The following CAPN5 variants were observed in gnomAD, a reference collection of about 807,000 sequenced individuals.
CAPN5 encodes calpain-5.
CAPN5 carries 54 observed loss-of-function variants against 73.0 expected under a neutral mutation model. That is an observed-to-expected ratio of 0.74 (90% CI 0.59 to 0.93). The LOEUF is 0.93. Among genes scored for constraint, CAPN5 ranks in the 40% least tolerant of loss-of-function variants. The pLI, the probability that CAPN5 is intolerant of heterozygous loss-of-function variation, is 0.00. For synonymous variants in CAPN5, 335 were observed against 356.9 expected (o/e 0.94, Z 0.69); for missense variants, 785 against 882.9 (o/e 0.89, Z 1.41).
In CAPN5 at chr11:77,114,446, G is replaced by A; in HGVS notation, c.699+12G>A. On this transcript the variant is annotated intron_variant, in intron 5 of 12. Transcript: ENST00000648180. ...GTGCCTCCATCAAGGTGAGAACACGGCAGTCCCCAGAGGCGACCCCTCCCC... is the reference window on the plus strand; with the variant it reads ...GTGCCTCCATCAAGGTGAGAACACGACAGTCCCCAGAGGCGACCCCTCCCC... 6.2e-7 allele frequency: 1 copy of A among 1,612,582 alleles called. No homozygotes were observed. The highest frequency in any genetic ancestry group is 8.5e-7 in the Non-Finnish European group (1 of 1,178,760).
intron 3 of CAPN5, among the ~76,000 whole-genome samples, chr11:77,109,355 G>C (rs1565273457): frequency 6.6e-6 from 1 of 152,076 alleles, no homozygotes; most frequent in Non-Finnish European, 1.5e-5. Flanking sequence ...TACAGAGACA[G>C]GATAAATTTC....
At chr11:77,100,877 C>G (rs997979032) in intron 3 of CAPN5, among the ~76,000 whole-genome samples, 1 of 152,234 alleles carries the variant, frequency 6.6e-6, no homozygotes, top group Non-Finnish European at 1.5e-5. Context: ...TTCTATCAGC[C>G]TTCACCTTCA....
At position 77,122,717 on chromosome 11, in the gene CAPN5, G is replaced by A; in HGVS notation, c.1740+5G>A. ...AGCCAGCCCATCACTGTACAGGTGAGCCCCCTGGTCCAGAGGCCACCTCCT... is the reference window on the plus strand; with the variant it reads ...AGCCAGCCCATCACTGTACAGGTGAACCCCCTGGTCCAGAGGCCACCTCCT... On this transcript the variant is annotated splice_donor_5th_base_variant and intron_variant, in intron 12 of 12. Transcript: ENST00000648180. 1 of 1,612,930 alleles carries A rather than the reference G, an allele frequency of 6.2e-7. No homozygotes were observed. The highest frequency in any genetic ancestry group is 8.5e-7 in the Non-Finnish European group (1 of 1,179,852).
intron 2 of CAPN5, chr11:77,088,061 G>C (rs1555035875): frequency 2.0e-6 from 3 of 1,531,000 alleles, no homozygotes; most frequent in Non-Finnish European, 1.7e-6. Context: ...CCCGGGACCT[G>C]GTAGGCGGCC....
Position 77,119,156 on chromosome 11 carries a change from A to G in CAPN5, c.1290+4A>G. 1 of 1,606,942 alleles carries G rather than the reference A, an allele frequency of 6.2e-7. No individual in the cohort carries two copies. On this transcript the variant is annotated splice_donor_region_variant and intron_variant, in intron 9 of 12. Transcript: ENST00000648180. ...CATTGGCTTTGACATCTACAAGGTG[A>G]GGCCAGCCGGGTCCCCTGCCGTGGG...
intron 1 of CAPN5, among the ~76,000 whole-genome samples, chr11:77,074,984 C>A (rs1949953064): frequency 6.6e-6 from 1 of 152,218 alleles, no homozygotes; most frequent in Non-Finnish European, 1.5e-5. Flanking sequence ...TGTGGCCGTT[C>A]TTCTGGTCTT....
intron 3 of CAPN5, chr11:77,103,130 C>T (rs1472769422): frequency 3.1e-6 from 5 of 1,613,764 alleles, no homozygotes; most frequent in Non-Finnish European, 4.2e-6. Flanking sequence ...TCATGACACG[C>T]CAGCTGCTGG....
intron 1 of CAPN5, among the ~76,000 whole-genome samples, chr11:77,075,918 A>T (rs1949964176): frequency 6.6e-6 from 1 of 152,146 alleles, no homozygotes; most frequent in Non-Finnish European, 1.5e-5. Flanking sequence ...TGCTTGTCTT[A>T]AAAAAATGGA....
At position 77,097,142 on chromosome 11, in the gene CAPN5, A is replaced by G. The variant is rs183371805; in HGVS notation, c.297+3329A>G. Among the ~76,000 whole-genome samples the G allele has an allele frequency of 1.7e-3, 260 of 152,242 alleles. 2 individuals carry two copies. Among genetic ancestry groups the G allele is most frequent in the African/African-American group, 5.5e-3 (228 of 41,532 alleles). On this transcript the variant is annotated intron_variant, in intron 3 of 12. Coordinates refer to ENST00000648180, the MANE Select transcript of CAPN5 (RefSeq NM_004055.5). ...GAGGCTGAGGCAGGAGAATGGCGTG[A>G]ACCTGGGAGGTGGAGCTTGCAGTGA...
chr11:77,089,965 C>T (rs1467267325), intron 2 of CAPN5, among the ~76,000 whole-genome samples: 1 of 152,206 alleles, frequency 6.6e-6, no homozygotes, highest in Non-Finnish European at 1.5e-5. Context: ...CTCATTTCAC[C>T]TCTTCTTGTG....
Position 77,122,521 on chromosome 11 carries a change from C to T in CAPN5, c.1604-55C>T, listed in dbSNP as rs942750555. 6 of 1,417,464 alleles carry T rather than the reference C, an allele frequency of 4.2e-6. No individual in the cohort carries two copies. In the African/African-American group the frequency reaches 4.3e-5, roughly 10 times the overall value. 87.8% of individuals were successfully genotyped at this position (1,417,464 alleles called of 1,614,324 possible). A position where few individuals can be genotyped will look rare whatever the true frequency, so the allele number is the denominator to read the frequency against. On this transcript the variant is annotated intron_variant, in intron 11 of 12. Coordinates refer to ENST00000648180, the MANE Select transcript of CAPN5 (RefSeq NM_004055.5). ...GCATCTCACCTGTAGATATCTGTGGCCCTGCCACAGCCCCCACCCCCACCC... is the reference window on the plus strand; with the variant it reads ...GCATCTCACCTGTAGATATCTGTGGTCCTGCCACAGCCCCCACCCCCACCC...
chr11:77,075,150 G>C (rs1949955765), intron 1 of CAPN5, among the ~76,000 whole-genome samples: 2 of 152,134 alleles, frequency 1.3e-5, no homozygotes, highest in Non-Finnish European at 2.9e-5. Flanking sequence ...GGCATCCCGG[G>C]GCCTCTGGCG....
At position 77,125,947 on chromosome 11, in the gene CAPN5, A is replaced by G. The variant is rs1243819420; in HGVS notation, c.*2077A>G. 1.3e-5 allele frequency: 2 copies of G among 152,406 alleles called. No individual in the cohort carries two copies. The allele number at this position is 152,406 out of a possible 1,614,324, so 9.4% of individuals were successfully genotyped here. ...TGGTCCCCAGGAGACCTTGGGGGCC[A>G]GGCAGGTAAGGATCAGGGGTGATAG... On this transcript the variant is annotated 3_prime_UTR_variant, in exon 13 of 13. Transcript: ENST00000648180.
At chr11:77,079,856 GC>G (rs1376531089) in intron 1 of CAPN5, among the ~76,000 whole-genome samples, 1 of 151,742 alleles carries the variant, frequency 6.6e-6, no homozygotes, top group Non-Finnish European at 1.5e-5. Context: ...TGGGGGTATA[GC>G]AGTATCTCAT....
At position 77,118,140 on chromosome 11, in the gene CAPN5, C is replaced by G. The variant is rs782050114; in HGVS notation, c.972-17C>G. 1 of 1,602,490 alleles carries G rather than the reference C, an allele frequency of 6.2e-7. No homozygotes were observed. On this transcript the variant is annotated splice_polypyrimidine_tract_variant and intron_variant, in intron 7 of 12. Coordinates refer to ENST00000648180, the MANE Select transcript of CAPN5 (RefSeq NM_004055.5). ...GGTGTGGGGGAGGTACCCTGCTCAG[C>G]CCCTCCCCACATCCAGGATGACCTT...
At chr11:77,108,911 T>C (rs1028542114) in intron 3 of CAPN5, among the ~76,000 whole-genome samples, 1 of 152,226 alleles carries the variant, frequency 6.6e-6, no homozygotes, top group Non-Finnish European at 1.5e-5. Flanking sequence ...CTTTCATCTT[T>C]TATTTTTTCC....
Position 77,116,517 on chromosome 11 carries a change from C to G in CAPN5, c.971+214C>G, listed in dbSNP as rs141763172. On this transcript the variant is annotated intron_variant, in intron 7 of 12. Transcript: ENST00000648180. ...CCAGGCCCTTTCATCCCCACAGTCC[C>G]CTCTGCCGAACTGAGGGGTCCTGGA... Among the ~76,000 whole-genome samples, 21 of 152,336 alleles carry G rather than the reference C, an allele frequency of 1.4e-4. 1 individual carries two copies. The highest frequency in any genetic ancestry group is 3.8e-4 in the African/African-American group (16 of 41,578).
At chr11:77,088,100 C>G (rs2135428343) in intron 2 of CAPN5, 1 of 1,506,944 alleles carries the variant, frequency 6.6e-7, no homozygotes, top group East Asian at 2.5e-5. Context: ...GCAACATCCC[C>G]TCATCCAGCA....
intron 3 of CAPN5, among the ~76,000 whole-genome samples, chr11:77,111,019 C>A (rs1430606419): frequency 6.6e-6 from 1 of 152,084 alleles, no homozygotes; most frequent in Non-Finnish European, 1.5e-5. Flanking sequence ...GGGTCATTCA[C>A]CCTGACTTGA....
Sources: allele counts gnomAD v4.1 joint callset (sites outside exome capture counted in the v4.1 genomes callset), GRCh38; gene constraint gnomAD v4.1.1; transcripts MANE v1.5; gene names NCBI Gene and HGNC (gene_info 2026-07-23, HGNC 2026-07-21).